The following TENM3 variants were observed in gnomAD, a reference collection of about 807,000 sequenced individuals.
TENM3 encodes the protein teneurin-3.
TENM3 carries 63 observed loss-of-function variants against 255.1 expected under a neutral mutation model. The observed-to-expected ratio is 0.25, with a 90% CI of 0.20 to 0.30. The LOEUF (loss-of-function observed/expected upper bound fraction) is 0.30, where lower values mean the gene tolerates loss of function less well. Among genes scored for constraint, TENM3 ranks in the 10% least tolerant of loss-of-function variants. The pLI, the probability that TENM3 is intolerant of heterozygous loss-of-function variation, is 1.00. For missense variants in TENM3, 2,929 were observed against 3,461.1 expected (o/e 0.85, Z 3.86); for synonymous variants, 1,306 against 1,322.3 (o/e 0.99, Z 0.27).
At chr4:181,876,920 G>C in the TENM3 span, 1 of 151,774 alleles carries the variant, frequency 6.6e-6, no homozygotes, top group Non-Finnish European at 1.5e-5. Context: ...GAAGGAAACT[G>C]GGAAAAGAAA....
At chr4:181,692,483 T>C in the TENM3 span, among the ~76,000 whole-genome samples, 1 of 152,218 alleles carries the variant, frequency 6.6e-6, no homozygotes, top group Non-Finnish European at 1.5e-5. Flanking sequence ...AGCACTTAAC[T>C]TTAAAACATA....
At chr4:182,718,357 T>C (rs1267180387) in intron 13 of TENM3, among the ~76,000 whole-genome samples, 4 of 152,108 alleles carry the variant, frequency 2.6e-5, no homozygotes, top group Non-Finnish European at 5.9e-5. Flanking sequence ...GAGTTTACAT[T>C]TCACTTCCTA....
chr4:182,117,582 C>T, the TENM3 span, among the ~76,000 whole-genome samples: 7 of 152,118 alleles, frequency 4.6e-5, no homozygotes, highest in Non-Finnish European at 1.5e-5. Context: ...TGCTTTTGCT[C>T]CTTTGTTGAA....
the TENM3 span, among the ~76,000 whole-genome samples, chr4:181,755,948 T>C: frequency 1.1e-4 from 17 of 152,250 alleles, no homozygotes; most frequent in African/African-American, 4.1e-4. Context: ...ATGTGATCTC[T>C]GGTGCACTGT....
At chr4:181,705,645 G>C in the TENM3 span, among the ~76,000 whole-genome samples, 1 of 152,124 alleles carries the variant, frequency 6.6e-6, no homozygotes, top group African/African-American at 2.4e-5. Context: ...TCCATGCTGG[G>C]CTTAATAACT....
chr4:181,595,652 C>T, the TENM3 span, among the ~76,000 whole-genome samples: 2 of 152,048 alleles, frequency 1.3e-5, no homozygotes, highest in Non-Finnish European at 2.9e-5. Context: ...CTAAAAAACG[C>T]TGGTTTAAAA....
intron 1 of TENM3, among the ~76,000 whole-genome samples, chr4:182,151,951 C>A (rs529437531): frequency 6.6e-6 from 1 of 151,892 alleles, no homozygotes; most frequent in East Asian, 1.9e-4. Context: ...TTGATTGTCA[C>A]AAAAATAAGG....
chr4:182,542,321 G>A (rs1262579455), intron 3 of TENM3, among the ~76,000 whole-genome samples: 3 of 152,100 alleles, frequency 2.0e-5, no homozygotes, highest in East Asian at 1.9e-4. Flanking sequence ...TTTAGCAGAC[G>A]ATTTTCCTTT....
intron 24 of TENM3, among the ~76,000 whole-genome samples, chr4:182,779,902 GGTTGTTTTTTTCTTGTAAATTTGTTTGA>G (rs1765027958): frequency 1.3e-5 from 2 of 151,914 alleles, no homozygotes; most frequent in South Asian, 2.1e-4. Flanking sequence ...TTTTTGATGG[GGTTGTTTTTTTCTTGTAAATTTGTTTGA>G]GTTCATTGTA....
intron 3 of TENM3, among the ~76,000 whole-genome samples, chr4:182,565,505 A>G (rs1743685439): frequency 6.6e-6 from 1 of 152,192 alleles, no homozygotes; most frequent in Non-Finnish European, 1.5e-5. Flanking sequence ...TGATTATTCA[A>G]CCATAGAATT....
intron 3 of TENM3, among the ~76,000 whole-genome samples, chr4:182,573,702 A>T (rs1311417029): frequency 6.6e-6 from 1 of 152,206 alleles, no homozygotes; most frequent in East Asian, 1.9e-4. Context: ...AGACAGAGAA[A>T]AGGGAATACT....
the TENM3 span, among the ~76,000 whole-genome samples, chr4:182,059,139 G>A: frequency 1.5e-4 from 23 of 152,168 alleles, no homozygotes; most frequent in South Asian, 3.3e-3. Flanking sequence ...GGCAAAGGAC[G>A]AAAACTGAGA....
the TENM3 span, among the ~76,000 whole-genome samples, chr4:181,627,261 T>C: frequency 4.6e-5 from 7 of 152,170 alleles, no homozygotes; most frequent in African/African-American, 1.7e-4. Context: ...GAAAACAAGC[T>C]CTTTTAATGT....
intron 1 of TENM3, among the ~76,000 whole-genome samples, chr4:182,209,358 T>A (rs1244731108): frequency 4.0e-5 from 6 of 151,514 alleles, no homozygotes; most frequent in Non-Finnish European, 8.8e-5. Context: ...TCAAGGCAGG[T>A]GCTTCCCAGG....
the TENM3 span, among the ~76,000 whole-genome samples, chr4:181,461,170 CT>C: frequency 3.8e-4 from 57 of 151,298 alleles, no homozygotes; most frequent in South Asian, 9.0e-3. Context: ...TTTTGTTTAT[CT>C]TTTTTTTTCT....
At chr4:181,931,726 A>T in the TENM3 span, among the ~76,000 whole-genome samples, 3 of 152,220 alleles carry the variant, frequency 2.0e-5, no homozygotes, top group African/African-American at 7.2e-5. Context: ...CTAAGCAAAA[A>T]GAACAAAGCT....
intron 1 of TENM3, among the ~76,000 whole-genome samples, chr4:182,185,306 A>G (rs1753083777): frequency 6.6e-6 from 1 of 152,194 alleles, no homozygotes; most frequent in African/African-American, 2.4e-5. Context: ...TTTTAAGTTG[A>G]AGGCACCATA....
chr4:182,349,464 A>G (rs930626141), intron 3 of TENM3, among the ~76,000 whole-genome samples: 8 of 152,178 alleles, frequency 5.3e-5, no homozygotes, highest in Non-Finnish European at 8.8e-5. Flanking sequence ...AGGGAAGCAT[A>G]ATTTTCTGAA....
At chr4:181,861,802 A>G in the TENM3 span, among the ~76,000 whole-genome samples, 1 of 152,088 alleles carries the variant, frequency 6.6e-6, no homozygotes, top group Non-Finnish European at 1.5e-5. Context: ...TGACCAACGT[A>G]CCCCAGTTAT....
Sources: allele counts gnomAD v4.1 joint callset (sites outside exome capture counted in the v4.1 genomes callset), GRCh38; gene constraint gnomAD v4.1.1; transcripts MANE v1.5; gene names NCBI Gene and HGNC (gene_info 2026-07-23, HGNC 2026-07-21).